AKAP19: variants seen among roughly 807,000 people sequenced by gnomAD.
The protein encoded by AKAP19 is small A-kinase anchoring protein.
At chr2:190,143,201 A>T in the AKAP19 span, among the ~76,000 whole-genome samples, 1 of 148,566 alleles carries the variant, frequency 6.7e-6, no homozygotes, top group South Asian at 2.2e-4. Context: ...CATAGTCTCT[A>T]GTCATGTGTA....
At chr2:189,907,360 T>G in the AKAP19 span, among the ~76,000 whole-genome samples, 1 of 152,206 alleles carries the variant, frequency 6.6e-6, no homozygotes, top group Non-Finnish European at 1.5e-5. Flanking sequence ...CTTTTCCAGT[T>G]GCTATTCCTT....
the AKAP19 span, among the ~76,000 whole-genome samples, chr2:189,882,465 G>A: frequency 6.6e-6 from 1 of 152,080 alleles, no homozygotes; most frequent in East Asian, 1.9e-4. Context: ...GATGTATATT[G>A]GTTCAGTCCA....
the AKAP19 span, among the ~76,000 whole-genome samples, chr2:190,187,724 C>A: frequency 6.6e-6 from 1 of 152,060 alleles, no homozygotes; most frequent in African/African-American, 2.4e-5. Context: ...CATGGTGGCA[C>A]GTGCCTATAG....
At chr2:190,153,206 A>G in the AKAP19 span, among the ~76,000 whole-genome samples, 3 of 152,126 alleles carry the variant, frequency 2.0e-5, no homozygotes, top group South Asian at 6.2e-4. Context: ...CTTGCCCATT[A>G]TTTCTAAGTC....
the AKAP19 span, among the ~76,000 whole-genome samples, chr2:190,013,256 C>T: frequency 2.0e-5 from 3 of 152,038 alleles, no homozygotes; most frequent in Admixed American, 6.6e-5. Flanking sequence ...TTTCTTTGAT[C>T]GGGGACTTTT....
At chr2:190,027,791 A>G in the AKAP19 span, among the ~76,000 whole-genome samples, 1 of 152,314 alleles carries the variant, frequency 6.6e-6, no homozygotes, top group East Asian at 1.9e-4. Flanking sequence ...GACTATAAGT[A>G]TATGGTAGCT....
chr2:190,195,251 G>A, the AKAP19 span, among the ~76,000 whole-genome samples: 1 of 152,176 alleles, frequency 6.6e-6, no homozygotes, highest in East Asian at 1.9e-4. Flanking sequence ...TTGCTTCTAA[G>A]TTTTCAAAGT....
chr2:189,888,751 T>C, the AKAP19 span, among the ~76,000 whole-genome samples: 1 of 152,198 alleles, frequency 6.6e-6, no homozygotes, highest in African/African-American at 2.4e-5. Flanking sequence ...TTGTCTGTTA[T>C]TGGTGTTTAA....
chr2:189,965,638 T>TA, the AKAP19 span, among the ~76,000 whole-genome samples: 32,371 of 146,514 alleles, frequency 0.22, 3,550 homozygotes, highest in Middle Eastern at 0.28. Flanking sequence ...AATAAAAAAA[T>TA]AAAAAAAAAA....
At chr2:190,047,022 A>G in the AKAP19 span, among the ~76,000 whole-genome samples, 1 of 152,166 alleles carries the variant, frequency 6.6e-6, no homozygotes, top group South Asian at 2.1e-4. Context: ...TTTTAAGAAA[A>G]ATTACACATA....
chr2:190,170,039 T>C, the AKAP19 span, among the ~76,000 whole-genome samples: 1 of 152,156 alleles, frequency 6.6e-6, no homozygotes, highest in Non-Finnish European at 1.5e-5. Flanking sequence ...TACCACAGGT[T>C]GGGTGGGCTT....
chr2:190,060,356 T>C, the AKAP19 span: 14 of 1,612,516 alleles, frequency 8.7e-6, no homozygotes, highest in Non-Finnish European at 1.1e-5. Context: ...GGGCCTTTAC[T>C]ACTTTATTGT....
At chr2:190,081,619 A>G in the AKAP19 span, among the ~76,000 whole-genome samples, 1 of 151,922 alleles carries the variant, frequency 6.6e-6, no homozygotes, top group Non-Finnish European at 1.5e-5. Flanking sequence ...CTGTTATTCT[A>G]TTAGTTTGTT....
the AKAP19 span, among the ~76,000 whole-genome samples, chr2:190,017,799 G>A: frequency 6.6e-6 from 1 of 152,082 alleles, no homozygotes; most frequent in Non-Finnish European, 1.5e-5. Flanking sequence ...TTTTGATTCA[G>A]CTTAAAGAAT....
chr2:189,944,207 G>A, the AKAP19 span, among the ~76,000 whole-genome samples: 1 of 152,134 alleles, frequency 6.6e-6, no homozygotes, highest in Admixed American at 6.5e-5. Flanking sequence ...GCGGGGGCCT[G>A]GTGGTAGGTG....
At chr2:190,170,238 C>T in the AKAP19 span, among the ~76,000 whole-genome samples, 1 of 152,210 alleles carries the variant, frequency 6.6e-6, no homozygotes, top group African/African-American at 2.4e-5. Context: ...CCCAAAGGCC[C>T]CATCTCTAAA....
chr2:189,912,496 G>T, the AKAP19 span, among the ~76,000 whole-genome samples: 1 of 152,056 alleles, frequency 6.6e-6, no homozygotes, highest in African/African-American at 2.4e-5. Context: ...AGCCAAGATC[G>T]CAACACTGCA....
the AKAP19 span, among the ~76,000 whole-genome samples, chr2:190,080,423 A>G: frequency 6.6e-6 from 1 of 152,232 alleles, no homozygotes; most frequent in Non-Finnish European, 1.5e-5. Flanking sequence ...GCAAAAGCAC[A>G]GAGGACTTTG....
chr2:189,884,111 T>C, the AKAP19 span, among the ~76,000 whole-genome samples: 1 of 152,170 alleles, frequency 6.6e-6, no homozygotes, highest in Admixed American at 6.5e-5. Context: ...ATTTTAGTTA[T>C]GTTTTGTAAT....
Sources: gnomAD v4.1 joint callset for allele counts (sites outside exome capture counted in the v4.1 genomes callset) on GRCh38, gnomAD v4.1.1 for gene constraint, MANE v1.5 for transcripts, NCBI Gene and HGNC (gene_info 2026-07-23, HGNC 2026-07-21) for gene names.